Variants in IPO8 observed in about 807,000 individuals in gnomAD.
The protein encoded by IPO8 is importin 8, also known as importin-8.
IPO8 carries 65 observed loss-of-function variants against 141.2 expected under a neutral mutation model. The ratio of observed to expected loss-of-function variants is 0.46; its 90% CI spans 0.38 to 0.57. IPO8 has a LOEUF of 0.57. Ranked by LOEUF, IPO8 falls within the 20% of genes least tolerant of loss-of-function variation. The pLI is 0.00. For synonymous variants in IPO8, 411 were observed against 420.3 expected, an observed-to-expected ratio of 0.98 and a Z score of 0.27; for missense variants, 980 against 1,246.8, an observed-to-expected ratio of 0.79 and a Z score of 3.22.
intron 1 of IPO8, among the ~76,000 whole-genome samples, chr12:30,694,284 T>C (rs11051034): frequency 0.23 from 34,964 of 152,082 alleles, 4,278 homozygotes; most frequent in Middle Eastern, 0.31. Flanking sequence ...CTATTCTAAG[T>C]GACAGTCCAT....
At chr12:30,692,839 T>C (rs1177781062) in intron 1 of IPO8, among the ~76,000 whole-genome samples, 2 of 152,180 alleles carry the variant, frequency 1.3e-5, no homozygotes, top group Non-Finnish European at 1.5e-5. Flanking sequence ...CTCAATGCCA[T>C]TCTTCAGAGA....
At chr12:30,641,505 T>TTTG (rs1196939473) in intron 20 of IPO8, among the ~76,000 whole-genome samples, 2 of 150,450 alleles carry the variant, frequency 1.3e-5, no homozygotes, top group Admixed American at 1.3e-4. Flanking sequence ...TTTTTTTTTT[T>TTTG]TTTTTTCTTT....
At chr12:30,641,817 G>C (rs775068108) in intron 20 of IPO8, among the ~76,000 whole-genome samples, 2 of 152,120 alleles carry the variant, frequency 1.3e-5, no homozygotes, top group Non-Finnish European at 2.9e-5. Context: ...ATTAAGATGA[G>C]AACCAGAATT....
intron 16 of IPO8, among the ~76,000 whole-genome samples, chr12:30,659,727 C>A (rs2052856816): frequency 6.6e-6 from 1 of 151,354 alleles, no homozygotes; most frequent in African/African-American, 2.4e-5. Flanking sequence ...TGGTGGCGGG[C>A]ACCTGTAGTT....
intron 1 of IPO8, among the ~76,000 whole-genome samples, chr12:30,691,950 TTC>T (rs2053294727): frequency 6.6e-6 from 1 of 152,240 alleles, no homozygotes; most frequent in African/African-American, 2.4e-5. Context: ...GGCATGTAAA[TTC>T]TTTTTTATCC....
chr12:30,639,540 T>A lies in IPO8; in HGVS notation c.2464A>T (p.Met822Leu), dbSNP rs1365310888. Residue 822 changes from methionine to leucine, a missense_variant, in exon 21 of 25, where the codon ATG (methionine) becomes TTG (leucine). Transcript: ENST00000256079. The part of the protein sequence containing the change: ...PITVQFINQW[M>L]NDTDCFLGHH... ...CCAAGAAAACAATCTGTATCATTCATCCATTGATTTATAAACTGTACAGTG... is the reference window on the plus strand; with the variant it reads ...CCAAGAAAACAATCTGTATCATTCAACCATTGATTTATAAACTGTACAGTG... The A allele has an allele frequency of 2.5e-6, 4 of 1,612,364 alleles. No homozygotes were observed. In the African/African-American group the frequency reaches 5.3e-5, roughly 22 times the overall value.
At position 30,695,553 on chromosome 12, in the gene IPO8, C is replaced by A; in HGVS notation, c.84+11G>T. On this transcript the variant is annotated intron_variant, in intron 1 of 24. Transcript: ENST00000256079. The surrounding 1 kb of genome is among the most constrained non-coding windows in gnomAD (Gnocchi z 4.2). ...TCGGCGGAAGAGGGTCGCCGAAGACCCTCTCCTCACCTGGTTGAGCTCGTT... is the reference window on the plus strand; with the variant it reads ...TCGGCGGAAGAGGGTCGCCGAAGACACTCTCCTCACCTGGTTGAGCTCGTT... 2.5e-6 allele frequency: 4 copies of A among 1,612,568 alleles called. No homozygotes were observed. The highest frequency in any genetic ancestry group is 3.4e-6 in the Non-Finnish European group (4 of 1,178,854).
rs375197075 is a variant in IPO8 at position 30,629,707 on chromosome 12, T to C, written c.*1153A>G. The C allele has an allele frequency of 2.6e-5, 4 of 152,174 alleles. No individual in the cohort carries two copies. In the East Asian group the frequency reaches 5.8e-4, roughly 22 times the overall value. 9.4% of individuals were successfully genotyped at this position (152,174 alleles called of 1,614,324 possible). A position where few individuals can be genotyped will look rare whatever the true frequency, so the allele number is the denominator to read the frequency against. ...TAATCTCCATATGCAATATTTCCTATAGGCAACCTAAAAGTGCAGCTGCCC... is the reference window on the plus strand; with the variant it reads ...TAATCTCCATATGCAATATTTCCTACAGGCAACCTAAAAGTGCAGCTGCCC... On this transcript the variant is annotated 3_prime_UTR_variant, in exon 25 of 25. Transcript: ENST00000256079.
Position 30,637,110 on chromosome 12 carries a change from G to A in IPO8, c.2567C>T (p.Ala856Val). The change falls in exon 22 of 25, where the codon GCT (alanine) becomes GTT (valine). Residue 856 changes from alanine to valine, a missense_variant. By Grantham distance (64) the Ala-to-Val change is moderately conservative. Coordinates refer to ENST00000256079, the MANE Select transcript of IPO8 (RefSeq NM_006390.4). ...TGAGGGAACAATCTGTCCCACCACA[G>A]CATCTACTGCAGGAGGTCGATTTTG... Reference protein sequence around the residue: ...ELQNRPPAVDAVVGQIVPSIL... With the variant: ...ELQNRPPAVDVVVGQIVPSIL... The A allele has an allele frequency of 6.2e-7, 1 of 1,613,860 alleles. No individual in the cohort carries two copies. The highest frequency in any genetic ancestry group is 8.5e-7 in the Non-Finnish European group (1 of 1,179,910).
At chr12:30,644,653 G>GTTT (rs1169009653) in intron 20 of IPO8, among the ~76,000 whole-genome samples, 2 of 128,152 alleles carry the variant, frequency 1.6e-5, no homozygotes, top group Non-Finnish European at 3.5e-5. Flanking sequence ...TTTTTTTTTT[G>GTTT]TTTTTTTTTT....
chr12:30,684,345 A>C lies in IPO8; in HGVS notation c.279T>G (p.Arg93=), dbSNP rs760207203. ...NIHENDRQQI[R]DNIVEGIIRS... is the part of the protein sequence containing the mutation. Reference sequence around the variant, plus strand: ...GAATTATTCCTTCCACAATGTTATCACGTATTTGCTGGCGATCGTTTTCGT... The same window carrying C: ...GAATTATTCCTTCCACAATGTTATCCCGTATTTGCTGGCGATCGTTTTCGT... The change falls in exon 3 of 25, where the codon CGT becomes CGG. Residue 93 remains arginine (R), a synonymous_variant. Coordinates refer to ENST00000256079, the MANE Select transcript of IPO8 (RefSeq NM_006390.4). The C allele has an allele frequency of 6.2e-7, 1 of 1,614,030 alleles. No individual in the cohort carries two copies. The highest frequency in any genetic ancestry group is 8.5e-7 in the Non-Finnish European group (1 of 1,179,988).
intron 13 of IPO8, 137 bp downstream of exon 13, chr12:30,665,083 G>A (rs1295388555): frequency 2.2e-5 from 13 of 603,240 alleles, no homozygotes; most frequent in Non-Finnish European, 3.5e-5. Context: ...TTCAGCTGAT[G>A]TGACCATAGG....
rs531725660 is a variant in IPO8 at position 30,632,133 on chromosome 12, C to A, written c.2900-122G>T. 37 of 620,098 alleles carry A rather than the reference C, an allele frequency of 6.0e-5. No homozygotes were observed. In the African/African-American group the frequency reaches 6.4e-4, roughly 11 times the overall value. 38.4% of individuals were successfully genotyped at this position (620,098 alleles called of 1,614,324 possible). A position where few individuals can be genotyped will look rare whatever the true frequency, so the allele number is the denominator to read the frequency against. On this transcript the variant is annotated intron_variant, in intron 23 of 24. Coordinates refer to ENST00000256079, the MANE Select transcript of IPO8 (RefSeq NM_006390.4). ...ACAGTAAGAGACAAAGAGTACAGTA[C>A]TACAACACACACAAGGTAATGAAAC...
intron 2 of IPO8, among the ~76,000 whole-genome samples, chr12:30,687,787 C>T (rs777055458): frequency 6.6e-6 from 1 of 152,072 alleles, no homozygotes; most frequent in Non-Finnish European, 1.5e-5. Flanking sequence ...GCAATGCTGA[C>T]GTCAATCTTA....
intron 21 of IPO8, among the ~76,000 whole-genome samples, chr12:30,638,216 G>A (rs1019817172): frequency 2.6e-5 from 4 of 152,136 alleles, no homozygotes; most frequent in Non-Finnish European, 5.9e-5. Flanking sequence ...AGAACCAACC[G>A]CTTAACTTTA....
Position 30,680,638 on chromosome 12 carries a change from T to A in IPO8, c.483A>T (p.Glu161Asp), listed in dbSNP as rs1335255511. ...LCLYQLVKTY[E>D]YKKAEEREPL... The stretch of plus-strand genomic sequence containing the variant: ...GTTCTCTCTCTTCTGCTTTCTTATA[T>A]CTACATGAGCAAAGACAAAAACAGA... The change falls in exon 5 of 25, where the codon GAA becomes GAT. Residue 161 changes from glutamate (E) to aspartate (D), a missense_variant and splice_region_variant. By Grantham distance (45) the Glu-to-Asp change is conservative. Around this residue, in one of 3 missense-constraint regions of IPO8, gnomAD observed 924 missense variants for 1,153.9 expected, o/e 0.80. Transcript: ENST00000256079. The A allele has an allele frequency of 8.1e-6, 13 of 1,604,474 alleles. No individual in the cohort carries two copies. Among genetic ancestry groups the A allele is most frequent in the Non-Finnish European group, 1.1e-5 (13 of 1,176,756 alleles).
rs1438995082 is a variant in IPO8, at chr12:30,662,410, C to T, written c.1672G>A (p.Asp558Asn). The change falls in exon 15 of 25, where the codon GAT becomes AAT. Residue 558 changes from aspartate (D) to asparagine (N), a missense_variant. This residue lies in a region of IPO8 where 924 missense variants were observed against 1,153.9 expected (regional missense o/e 0.80). Transcript: ENST00000256079. ...LHIVRETEND[D>N]VTNVIQKMIC... ...ATCTTCTGGATGACATTAGTAACAT[C>T]ATCATTTTCTGTCTCTCTAACAATG... 1 of 1,613,338 alleles carries T rather than the reference C, an allele frequency of 6.2e-7. No individual in the cohort carries two copies. Among genetic ancestry groups the T allele is most frequent in the South Asian group, 1.1e-5 (1 of 91,056 alleles).
At chr12:30,688,125 T>TA (rs1185031459) in intron 2 of IPO8, among the ~76,000 whole-genome samples, 2 of 152,124 alleles carry the variant, frequency 1.3e-5, no homozygotes, top group East Asian at 3.8e-4. Context: ...ATGTAAGAAG[T>TA]AAAAAATTAG....
chr12:30,671,156 T>G (rs542182816), intron 8 of IPO8, 60 bp from the exon 9 acceptor site: 1 of 1,147,698 alleles, frequency 8.7e-7, no homozygotes, highest in Admixed American at 1.9e-5. Context: ...AAGGGGGAGG[T>G]GCCATTTTTG....
Sources: gnomAD v4.1 joint callset for allele counts (sites outside exome capture counted in the v4.1 genomes callset) on GRCh38, gnomAD v4.1.1 for gene constraint, gnomAD v4.1.1 regional missense constraint, Gnocchi (gnomAD v3.1) non-coding constraint, MANE v1.5 for transcripts, NCBI Gene and HGNC (gene_info 2026-07-23, HGNC 2026-07-21) for gene names.